The following RAPGEF2 variants were observed in gnomAD, a reference collection of about 807,000 sequenced individuals.
RAPGEF2 encodes the protein Rap guanine nucleotide exchange factor 2.
Under a neutral mutation model 186.7 loss-of-function variants are expected in RAPGEF2, and 54 were observed. The ratio of observed to expected loss-of-function variants is 0.29; its 90% CI spans 0.23 to 0.36. RAPGEF2 has a LOEUF of 0.36. Among genes scored for constraint, RAPGEF2 ranks in the 10% least tolerant of loss-of-function variants. The pLI is 1.00. For synonymous variants in RAPGEF2, 712 were observed against 705.9 expected, an observed-to-expected ratio of 1.01 and a Z score of -0.14; for missense variants, 1,532 against 2,045.0, an observed-to-expected ratio of 0.75 and a Z score of 4.84.
chr4:159,140,813 AT>A (rs569993175), intron 1 of RAPGEF2, among the ~76,000 whole-genome samples: 1,469 of 145,640 alleles, frequency 0.01, 29 homozygotes, highest in African/African-American at 0.036. Context: ...TAAGCCAAAA[AT>A]TTTTTTCTGG....
chr4:159,190,523 A>G lies in RAPGEF2; in HGVS notation c.141-2677A>G, dbSNP rs369873311. On this transcript the variant is annotated intron_variant, in intron 2 of 29. Transcript: ENST00000691494. Reference sequence around the variant, plus strand: ...GAGAGAAGTCAGGAATGATGACTCTAAGGTTGTTACTGTATTAGTCTGTTC... The same window carrying G: ...GAGAGAAGTCAGGAATGATGACTCTGAGGTTGTTACTGTATTAGTCTGTTC... Among the ~76,000 whole-genome samples the G allele has an allele frequency of 3.3e-5, 5 of 152,350 alleles. No individual in the cohort carries two copies. The South Asian group carries it at 8.3e-4, about 25-fold the overall frequency.
At chr4:159,236,145 G>T (rs1753228800) in intron 4 of RAPGEF2, among the ~76,000 whole-genome samples, 1 of 152,170 alleles carries the variant, frequency 6.6e-6, no homozygotes. Flanking sequence ...ATATCTGATG[G>T]AGAGTCTGCA....
rs186919908 is a variant in RAPGEF2, at chr4:159,353,522, A to G, written c.4127A>G (p.Tyr1376Cys). The change falls in exon 28 of 30, where the codon TAT (tyrosine) becomes TGT (cysteine). Residue 1376 changes from tyrosine (Y) to cysteine (C), a missense_variant. Transcript: ENST00000691494. This position sits in a 1 kb window ranked among gnomAD's most constrained non-coding sequence, Gnocchi z 4.3. ...CCAATGTCCGAGGGCCGAGGCTTAT[A>G]TGCTACAGCTACAGTAATTTCTTCT... ...YAPMSEGRGL[Y>C]ATATVISSPS... 89 of 1,522,780 alleles carry G rather than the reference A, an allele frequency of 5.8e-5. No homozygotes were observed. In the East Asian group the frequency reaches 2.0e-3, roughly 34 times the overall value. The allele number at this position is 1,522,780 out of a possible 1,614,324, so 94.3% of individuals were successfully genotyped here. A position where few individuals can be genotyped will look rare whatever the true frequency, so the allele number is the denominator to read the frequency against.
rs139004659 is a variant in RAPGEF2, at chr4:159,184,028, G to C, written c.70-2614G>C. Among the ~76,000 whole-genome samples the C allele has an allele frequency of 3.8e-4, 58 of 152,286 alleles. 1 individual carries two copies. In the East Asian group the frequency reaches 8.5e-3, roughly 22 times the overall value. On this transcript the variant is annotated intron_variant, in intron 1 of 29. Transcript: ENST00000691494. ...GTCCTTGTGATAGTTTGCTGAGAAT[G>C]ATGGTTTCCAGCTTCATCTGTGTCC...
In RAPGEF2 at chr4:159,353,756, G is replaced by C. The variant is rs1252088936; in HGVS notation, c.4361G>C (p.Ser1454Thr). 6 of 1,613,766 alleles carry C rather than the reference G, an allele frequency of 3.7e-6. No homozygotes were observed. The highest frequency in any genetic ancestry group is 5.1e-6 in the Non-Finnish European group (6 of 1,179,836). The change falls in exon 28 of 30, where the codon AGC becomes ACC. Residue 1454 changes from serine (S) to threonine (T), a missense_variant. By Grantham distance (58) the Ser-to-Thr change is moderately conservative. Around this residue, in one of 4 missense-constraint regions of RAPGEF2, gnomAD observed 594 missense variants for 608.5 expected, o/e 0.98. Coordinates refer to ENST00000691494, the MANE Select transcript of RAPGEF2 (RefSeq NM_001394067.2). The surrounding 1 kb of genome is among the most constrained non-coding windows in gnomAD (Gnocchi z 4.3). ...CCTGCAGGTTTATGGGCATCAAGCA[G>C]CCATATGGACCAAATTATGTTTTCT... ...GDPAGLWASSSHMDQIMFSDH... is the reference protein window; with the variant it reads ...GDPAGLWASSTHMDQIMFSDH...
At chr4:159,347,804 T>C (rs1730556412) in intron 25 of RAPGEF2, among the ~76,000 whole-genome samples, 1 of 151,924 alleles carries the variant, frequency 6.6e-6, no homozygotes, top group Non-Finnish European at 1.5e-5. Flanking sequence ...AAGAAGAACA[T>C]CTAGTAGTTT....
intron 7 of RAPGEF2, among the ~76,000 whole-genome samples, chr4:159,251,872 C>G (rs1191506029): frequency 6.6e-6 from 1 of 151,680 alleles, no homozygotes; most frequent in Admixed American, 6.6e-5. Flanking sequence ...TGCTTGGGTT[C>G]GTTTCCACAG....
Position 159,344,592 on chromosome 4 carries a change from A to T in RAPGEF2, c.3279-514A>T, listed in dbSNP as rs1360699409. Among the ~76,000 whole-genome samples, 5 of 152,234 alleles carry T rather than the reference A, an allele frequency of 3.3e-5. No individual in the cohort carries two copies. In the South Asian group the frequency reaches 1.0e-3, roughly 31 times the overall value. ...CATGTGCTCAATGGTTTCCATACATATATGTTTACATTTGCATGATTGTTT... is the reference window on the plus strand; with the variant it reads ...CATGTGCTCAATGGTTTCCATACATTTATGTTTACATTTGCATGATTGTTT... On this transcript the variant is annotated intron_variant, in intron 23 of 29. Transcript: ENST00000691494.
intron 6 of RAPGEF2, among the ~76,000 whole-genome samples, chr4:159,241,605 A>G (rs1308641007): frequency 6.6e-6 from 1 of 150,576 alleles, no homozygotes; most frequent in African/African-American, 2.4e-5. Context: ...TTTCTGGGAA[A>G]CATGATATGA....
At chr4:159,153,506 A>G (rs1193679480) in intron 1 of RAPGEF2, among the ~76,000 whole-genome samples, 1 of 152,232 alleles carries the variant, frequency 6.6e-6, no homozygotes, top group Non-Finnish European at 1.5e-5. Context: ...CAAAATCATT[A>G]TTAAAATTGG....
At chr4:159,110,165 A>T (rs1250899880) in intron 1 of RAPGEF2, among the ~76,000 whole-genome samples, 2 of 152,206 alleles carry the variant, frequency 1.3e-5, no homozygotes, top group Non-Finnish European at 2.9e-5. Flanking sequence ...TCATAGGAAA[A>T]AATCCAAGTT....
At chr4:159,330,207 T>C in intron 12 of RAPGEF2, 127 bp from the exon 13 acceptor site, 1 of 832,544 alleles carries the variant, frequency 1.2e-6, no homozygotes, top group Non-Finnish European at 1.8e-6. Context: ...CATTTTATGT[T>C]GAATGTTTGA....
rs374510078 is a variant in RAPGEF2, at chr4:159,310,135, C to T, written c.676-4456C>T. On this transcript the variant is annotated intron_variant, in intron 8 of 29. Transcript: ENST00000691494. ...GACAGTAGTTGGTAACTTACAGAAA[C>T]GAAAATGCAAATGTCTACACCTTAA... Among the ~76,000 whole-genome samples, 12 of 151,920 alleles carry T rather than the reference C, an allele frequency of 7.9e-5. No homozygotes were observed. In the East Asian group the frequency reaches 1.2e-3, roughly 15 times the overall value.
At chr4:159,267,906 G>T (rs1757619326) in intron 7 of RAPGEF2, 1 of 1,224,098 alleles carries the variant, frequency 8.2e-7, no homozygotes, top group Non-Finnish European at 1.0e-6. Context: ...TCTTGTCATA[G>T]CCTAGGATGG....
intron 1 of RAPGEF2, among the ~76,000 whole-genome samples, chr4:159,142,373 G>A (rs1278520825): frequency 6.6e-6 from 1 of 152,106 alleles, no homozygotes; most frequent in Non-Finnish European, 1.5e-5. Context: ...TAAATTATAA[G>A]ATGAAAGAAT....
intron 1 of RAPGEF2, among the ~76,000 whole-genome samples, chr4:159,174,760 C>CTTTT (rs1043918425): frequency 2.3e-5 from 1 of 44,130 alleles, no homozygotes; most frequent in Non-Finnish European, 4.2e-5. Context: ...TTCTTTCTTT[C>CTTTT]TTTTTTTTTT....
intron 28 of RAPGEF2, among the ~76,000 whole-genome samples, chr4:159,354,977 G>A (rs964150310): frequency 3.3e-5 from 5 of 152,168 alleles, no homozygotes; most frequent in African/African-American, 9.7e-5. Flanking sequence ...TAGGAAAATT[G>A]TAGTTATTTA....
At chr4:159,184,234 T>TA (rs1561056872) in intron 1 of RAPGEF2, among the ~76,000 whole-genome samples, 2 of 152,252 alleles carry the variant, frequency 1.3e-5, no homozygotes. Flanking sequence ...CAGCATGATT[T>TA]ATAATCCTTT....
chr4:159,206,813 A>G (rs1316945134), intron 3 of RAPGEF2, among the ~76,000 whole-genome samples: 2 of 152,260 alleles, frequency 1.3e-5, no homozygotes, highest in South Asian at 2.1e-4. Flanking sequence ...AGGAATTTTC[A>G]TAACAGGAAC....
Sources: gnomAD v4.1 joint callset for allele counts (sites outside exome capture counted in the v4.1 genomes callset) on GRCh38, gnomAD v4.1.1 for gene constraint, gnomAD v4.1.1 regional missense constraint, Gnocchi (gnomAD v3.1) non-coding constraint, MANE v1.5 for transcripts, NCBI Gene and HGNC (gene_info 2026-07-23, HGNC 2026-07-21) for gene names.